PCED1B: variants seen among roughly 807,000 people sequenced by gnomAD.
PCED1B encodes the protein PC-esterase domain-containing protein 1B.
For synonymous variants in PCED1B, 251 were observed against 246.1 expected, an observed-to-expected ratio of 1.02 and a Z score of -0.19; for missense variants, 573 against 573.9, an observed-to-expected ratio of 1.00 and a Z score of 0.02.
At chr12:47,120,409 G>GA (rs936685942) in intron 2 of PCED1B, among the ~76,000 whole-genome samples, 1 of 151,862 alleles carries the variant, frequency 6.6e-6, no homozygotes, top group Non-Finnish European at 1.5e-5. Flanking sequence ...ATTTATAATA[G>GA]AAAAAAAGGT....
chr12:47,132,807 C>T (rs1940186441), intron 2 of PCED1B, among the ~76,000 whole-genome samples: 1 of 152,174 alleles, frequency 6.6e-6, no homozygotes, highest in Non-Finnish European at 1.5e-5. Context: ...ATCAGCATTG[C>T]TGTGAAAGGA....
chr12:47,146,125 G>A (rs11612285), intron 2 of PCED1B, among the ~76,000 whole-genome samples: 88,000 of 152,074 alleles, frequency 0.58, 26,205 homozygotes, highest in South Asian at 0.65. Flanking sequence ...TAAGGATTCA[G>A]GACTTCAGTG....
At chr12:47,234,860 G>A in intron 3 of PCED1B, 147 bp from the exon 4 acceptor site, 1 of 416,358 alleles carries the variant, frequency 2.4e-6, no homozygotes, top group East Asian at 3.5e-5. Context: ...GCTTGGTGGA[G>A]CCTGTTATGC....
At chr12:47,145,455 C>T (rs997000191) in intron 2 of PCED1B, among the ~76,000 whole-genome samples, 6 of 152,138 alleles carry the variant, frequency 3.9e-5, no homozygotes, top group Admixed American at 6.5e-5. Flanking sequence ...ACAAAACAGC[C>T]GCTATTGGAA....
chr12:47,179,399 A>T (rs577182573), intron 2 of PCED1B, among the ~76,000 whole-genome samples: 111 of 152,340 alleles, frequency 7.3e-4, no homozygotes, highest in African/African-American at 2.3e-3. Flanking sequence ...TTGCACCAAT[A>T]TAATCATTCA....
At chr12:47,218,675 T>TG (rs1207480140) in intron 3 of PCED1B, among the ~76,000 whole-genome samples, 1 of 150,572 alleles carries the variant, frequency 6.6e-6, no homozygotes, top group Non-Finnish European at 1.5e-5. Context: ...TTTTCTTTTT[T>TG]TTTTTTTTTT....
intron 2 of PCED1B, among the ~76,000 whole-genome samples, chr12:47,212,913 A>C (rs1009550914): frequency 2.0e-5 from 3 of 152,240 alleles, no homozygotes; most frequent in Admixed American, 2.0e-4. Flanking sequence ...CTGCCTGCAA[A>C]GGCCATGTTC....
intron 2 of PCED1B, among the ~76,000 whole-genome samples, chr12:47,177,303 T>C (rs1013499350): frequency 6.6e-6 from 1 of 152,182 alleles, no homozygotes; most frequent in African/African-American, 2.4e-5. Context: ...GTATGTTGTG[T>C]GTGGAGAATA....
chr12:47,117,241 A>G (rs1228984285), intron 2 of PCED1B, among the ~76,000 whole-genome samples: 1 of 152,314 alleles, frequency 6.6e-6, no homozygotes, highest in East Asian at 1.9e-4. Flanking sequence ...GTACATGTGC[A>G]CAATGTGCAG....
At chr12:47,113,057 A>T (rs1006621072) in intron 2 of PCED1B, among the ~76,000 whole-genome samples, 1 of 152,216 alleles carries the variant, frequency 6.6e-6, no homozygotes, top group African/African-American at 2.4e-5. Flanking sequence ...TTATTTAAAA[A>T]CATACACAAT....
chr12:47,222,879 G>C (rs761665585), intron 3 of PCED1B, among the ~76,000 whole-genome samples: 7 of 152,144 alleles, frequency 4.6e-5, no homozygotes, highest in Non-Finnish European at 7.3e-5. Context: ...TAAGGGGATG[G>C]TCCGTTGTAA....
chr12:47,181,404 T>C (rs181858516), intron 2 of PCED1B, among the ~76,000 whole-genome samples: 3 of 151,724 alleles, frequency 2.0e-5, no homozygotes, highest in Admixed American at 2.0e-4. Context: ...ATTTTCACTC[T>C]TGTTGCCCAG....
At chr12:47,187,243 C>A (rs140988276) in intron 2 of PCED1B, among the ~76,000 whole-genome samples, 1 of 152,264 alleles carries the variant, frequency 6.6e-6, no homozygotes, top group Non-Finnish European at 1.5e-5. Flanking sequence ...GTTAGAAATG[C>A]TGACACTATG....
intron 1 of PCED1B, among the ~76,000 whole-genome samples, chr12:47,087,200 A>G (rs572335023): frequency 2.0e-5 from 3 of 152,244 alleles, no homozygotes; most frequent in Non-Finnish European, 4.4e-5. Flanking sequence ...ACCTCTCGAA[A>G]GACCCAAGAA....
Position 47,233,850 on chromosome 12 carries a change from G to A in PCED1B, c.-57-1157G>A, listed in dbSNP as rs1943886826. 2.6e-5 allele frequency among the ~76,000 whole-genome samples: 4 copies of A among 152,300 alleles called. No individual in the cohort carries two copies. The South Asian group carries it at 8.3e-4, about 32-fold the overall frequency. On this transcript the variant is annotated intron_variant, in intron 3 of 3. Coordinates refer to ENST00000546455, the MANE Select transcript of PCED1B (RefSeq NM_138371.3). Reference sequence around the variant, plus strand: ...TGGCATATTCCGGTTCTCTTCAAATGTAAAGCAAAGAATATTACAGCTGAA... The same window carrying A: ...TGGCATATTCCGGTTCTCTTCAAATATAAAGCAAAGAATATTACAGCTGAA...
chr12:47,149,735 AT>A (rs1940921804), intron 2 of PCED1B, among the ~76,000 whole-genome samples: 1 of 152,200 alleles, frequency 6.6e-6, no homozygotes, highest in Admixed American at 6.5e-5. Flanking sequence ...AACATGTTTC[AT>A]TTATATAAGG....
chr12:47,131,249 A>G (rs1200010707), intron 2 of PCED1B, among the ~76,000 whole-genome samples: 12 of 151,976 alleles, frequency 7.9e-5, no homozygotes, highest in Non-Finnish European at 1.8e-4. Context: ...TAGGCATTCC[A>G]CTCCTTAGGC....
chr12:47,186,280 G>T (rs893907004), intron 2 of PCED1B, among the ~76,000 whole-genome samples: 6 of 140,622 alleles, frequency 4.3e-5, no homozygotes, highest in African/African-American at 1.5e-4. Context: ...CAATAATTTT[G>T]TAGAGAAGTG....
intron 2 of PCED1B, among the ~76,000 whole-genome samples, chr12:47,107,407 G>A (rs1228562789): frequency 6.6e-6 from 1 of 152,198 alleles, no homozygotes; most frequent in Non-Finnish European, 1.5e-5. Flanking sequence ...GTTCTCCATG[G>A]GACACAGGGA....
Sources: gnomAD v4.1 joint callset for allele counts (sites outside exome capture counted in the v4.1 genomes callset) on GRCh38, gnomAD v4.1.1 for gene constraint, MANE v1.5 for transcripts, NCBI Gene and HGNC (gene_info 2026-07-23, HGNC 2026-07-21) for gene names.